The following ACVR2B variants were observed in gnomAD, a reference collection of about 807,000 sequenced individuals.
The protein encoded by ACVR2B is activin receptor type-2B.
ACVR2B carries 18 observed loss-of-function variants against 65.1 expected under a neutral mutation model. The observed-to-expected ratio is 0.28, with a 90% CI of 0.19 to 0.41. The LOEUF (loss-of-function observed/expected upper bound fraction) is 0.41, where lower values mean the gene tolerates loss of function less well. ACVR2B is among the 10% of genes least tolerant of loss of function. The pLI is 1.00. For missense variants in ACVR2B, 482 were observed against 682.7 expected, an observed-to-expected ratio of 0.71 and a Z score of 3.28; for synonymous variants, 298 against 277.7, an observed-to-expected ratio of 1.07 and a Z score of -0.73.
intron 1 of ACVR2B, among the ~76,000 whole-genome samples, chr3:38,461,684 C>G (rs1709649986): frequency 6.6e-6 from 1 of 152,054 alleles, no homozygotes; most frequent in Non-Finnish European, 1.5e-5. Context: ...TCCCCCATAA[C>G]TAATTTTCCC....
intron 1 of ACVR2B, among the ~76,000 whole-genome samples, chr3:38,473,108 A>C (rs1200243971): frequency 6.6e-6 from 1 of 151,890 alleles, no homozygotes; most frequent in African/African-American, 2.4e-5. Flanking sequence ...TGGTTTGGGG[A>C]GCACTGGGTA....
intron 1 of ACVR2B, among the ~76,000 whole-genome samples, chr3:38,457,779 A>G (rs1334678130): frequency 1.3e-5 from 2 of 152,194 alleles, no homozygotes; most frequent in East Asian, 1.9e-4. Context: ...AGGCTGACCC[A>G]AAGAAGTTTC....
At chr3:38,458,500 G>C (rs1323674395) in intron 1 of ACVR2B, among the ~76,000 whole-genome samples, 2 of 152,160 alleles carry the variant, frequency 1.3e-5, no homozygotes, top group Admixed American at 1.3e-4. Context: ...TTCTGCGGGG[G>C]AGGGGTGCTT....
At chr3:38,461,259 C>T (rs1179788497) in intron 1 of ACVR2B, among the ~76,000 whole-genome samples, 2 of 152,142 alleles carry the variant, frequency 1.3e-5, no homozygotes, top group Non-Finnish European at 1.5e-5. Context: ...TGAGTTTTCC[C>T]AGCCTGGGCT....
intron 1 of ACVR2B, among the ~76,000 whole-genome samples, chr3:38,463,183 G>C (rs1400594648): frequency 6.6e-6 from 1 of 152,138 alleles, no homozygotes; most frequent in African/African-American, 2.4e-5. Flanking sequence ...AGGATGTGCT[G>C]GTCTGGGTTT....
rs962892430 is a variant in ACVR2B, at chr3:38,490,654, G to A, written c.*7322G>A. The A allele has an allele frequency of 2.6e-5, 4 of 152,522 alleles. No homozygotes were observed. The highest frequency in any genetic ancestry group is 9.7e-5 in the African/African-American group (4 of 41,400). The allele number at this position is 152,522 out of a possible 1,614,324, so 9.4% of individuals were successfully genotyped here. On this transcript the variant is annotated 3_prime_UTR_variant, in exon 11 of 11. Transcript: ENST00000352511. ...TTTTTCCCAGCCCTAATTTCTGGAT[G>A]CACTTCTGTGATCCAGGTATTTTAA...
rs2059814495 is a variant in ACVR2B at position 38,492,090 on chromosome 3, A to G, written c.*8758A>G. 1 of 152,366 alleles carries G rather than the reference A, an allele frequency of 6.6e-6. No homozygotes were observed. Among genetic ancestry groups the G allele is most frequent in the Non-Finnish European group, 1.5e-5 (1 of 68,042 alleles). The allele number at this position is 152,366 out of a possible 1,614,324, so 9.4% of individuals were successfully genotyped here. A position where few individuals can be genotyped will look rare whatever the true frequency, so the allele number is the denominator to read the frequency against. ...ATGAAAAGAGCTTTCTGCATGTAAC[A>G]CATACGGTTAAAGAACACAGCAAAG... On this transcript the variant is annotated 3_prime_UTR_variant, in exon 11 of 11. Coordinates refer to ENST00000352511, the MANE Select transcript of ACVR2B (RefSeq NM_001106.4).
rs1178854667 is a variant in ACVR2B, at chr3:38,454,353, C to A, written c.31C>A (p.Leu11Ile). MTAPWVALAL[L>I]WGSLCAGSGR... is the part of the protein sequence containing the mutation. ...GGCGCCCTGGGTGGCCCTCGCCCTC[C>A]TCTGGGGATCGCTGTGCGCCGGTAA... Residue 11 changes from leucine (L) to isoleucine (I), a missense_variant, in exon 1 of 11, where the codon CTC (leucine) becomes ATC (isoleucine). Leu to Ile is a conservative substitution (Grantham distance 5, BLOSUM62 2). Around this residue, in one of 5 missense-constraint regions of ACVR2B, gnomAD observed 41 missense variants for 38.2 expected, o/e 1.07. Transcript: ENST00000352511. The A allele has an allele frequency of 2.3e-6, 3 of 1,291,148 alleles. No homozygotes were observed. The highest frequency in any genetic ancestry group is 3.1e-5 in the African/African-American group (2 of 65,042). 80.0% of individuals were successfully genotyped at this position (1,291,148 alleles called of 1,614,324 possible). A position where few individuals can be genotyped will look rare whatever the true frequency, so the allele number is the denominator to read the frequency against.
At chr3:38,479,023 C>G (rs975562450) in intron 5 of ACVR2B, 105 bp from the exon 6 acceptor site, 1 of 1,499,676 alleles carries the variant, frequency 6.7e-7, no homozygotes, top group African/African-American at 1.4e-5. Context: ...GGCTGGGAGG[C>G]TTGAGGGTGG....
rs1223520061 is a variant in ACVR2B, at chr3:38,485,973, CTTTG to C, written c.*2646_*2649del. 3.3e-5 allele frequency: 5 copies of C among 152,624 alleles called. No individual in the cohort carries two copies. In the South Asian group the frequency reaches 8.3e-4, roughly 25 times the overall value. 9.5% of individuals were successfully genotyped at this position (152,624 alleles called of 1,614,324 possible). ...CTACCTGAACACTAAACCCCAGCCT[CTTTG>C]TTTGGTTTTAGTTCCTCTGGGTGGT... On this transcript the variant is annotated 3_prime_UTR_variant, in exon 11 of 11. Coordinates refer to ENST00000352511, the MANE Select transcript of ACVR2B (RefSeq NM_001106.4).
At chr3:38,457,780 A>G (rs1709574634) in intron 1 of ACVR2B, among the ~76,000 whole-genome samples, 1 of 152,202 alleles carries the variant, frequency 6.6e-6, no homozygotes. Flanking sequence ...GGCTGACCCA[A>G]AGAAGTTTCT....
Position 38,481,785 on chromosome 3 carries a change from A to G in ACVR2B, c.1074+320A>G, listed in dbSNP as rs1423512038. On this transcript the variant is annotated intron_variant, in intron 8 of 10. Coordinates refer to ENST00000352511, the MANE Select transcript of ACVR2B (RefSeq NM_001106.4). This position sits in a 1 kb window ranked among gnomAD's most constrained non-coding sequence, Gnocchi z 4.7. ...GACAAAACAAAGAAATGTACTAAGG[A>G]TCCAAACAAAGAACCTGGAAAAAGT... 2.0e-5 allele frequency among the ~76,000 whole-genome samples: 3 copies of G among 152,352 alleles called. No individual in the cohort carries two copies. The highest frequency in any genetic ancestry group is 7.2e-5 in the African/African-American group (3 of 41,584).
At position 38,491,500 on chromosome 3, in the gene ACVR2B, G is replaced by A. The variant is rs1416852701; in HGVS notation, c.*8168G>A. 2 of 152,662 alleles carry A rather than the reference G, an allele frequency of 1.3e-5. No individual in the cohort carries two copies. Among genetic ancestry groups the A allele is most frequent in the East Asian group, 1.9e-4 (1 of 5,202 alleles). 9.5% of individuals were successfully genotyped at this position (152,662 alleles called of 1,614,324 possible). Reference sequence around the variant, plus strand: ...TTAGCCCGAGTGGGGTTTTCTCAGAGCACTGCCACGAGTTAAGTGTGTGTT... The same window carrying A: ...TTAGCCCGAGTGGGGTTTTCTCAGAACACTGCCACGAGTTAAGTGTGTGTT... On this transcript the variant is annotated 3_prime_UTR_variant, in exon 11 of 11. Transcript: ENST00000352511.
chr3:38,468,054 ATT>A (rs1410310880), intron 1 of ACVR2B, among the ~76,000 whole-genome samples: 1 of 151,854 alleles, frequency 6.6e-6, no homozygotes, highest in African/African-American at 2.4e-5. Context: ...AATTTTTTGT[ATT>A]TTTGGAAGAG....
intron 1 of ACVR2B, among the ~76,000 whole-genome samples, chr3:38,457,023 G>C (rs1424276353): frequency 6.6e-6 from 1 of 152,110 alleles, no homozygotes; most frequent in Admixed American, 6.6e-5. Flanking sequence ...TGGCCAACGT[G>C]GTGAAATGCG....
intron 1 of ACVR2B, 183 bp downstream of exon 1, chr3:38,454,557 G>C (rs1051487716): frequency 1.6e-5 from 7 of 440,766 alleles, no homozygotes; most frequent in Non-Finnish European, 2.5e-5. Flanking sequence ...GAACTTGGGG[G>C]CACGATCTTG....
intron 1 of ACVR2B, among the ~76,000 whole-genome samples, chr3:38,470,892 ATAGAGG>A (rs1324815864): frequency 6.6e-6 from 1 of 152,222 alleles, no homozygotes; most frequent in Non-Finnish European, 1.5e-5. Context: ...GATAATCCAA[ATAGAGG>A]TAACGGTAGA....
Position 38,490,972 on chromosome 3 carries a change from C to T in ACVR2B, c.*7640C>T, listed in dbSNP as rs1453458770. 1 of 152,622 alleles carries T rather than the reference C, an allele frequency of 6.6e-6. No homozygotes were observed. Among genetic ancestry groups the T allele is most frequent in the Non-Finnish European group, 1.5e-5 (1 of 68,046 alleles). 9.5% of individuals were successfully genotyped at this position (152,622 alleles called of 1,614,324 possible). A position where few individuals can be genotyped will look rare whatever the true frequency, so the allele number is the denominator to read the frequency against. On this transcript the variant is annotated 3_prime_UTR_variant, in exon 11 of 11. Transcript: ENST00000352511. ...AAAGCGATTTAATTGGCTGGTCTTG[C>T]ACGCAAATTAGTTCCAAAGATAAGC...
rs914186147 is a variant in ACVR2B at position 38,487,661 on chromosome 3, C to T, written c.*4329C>T. The T allele has an allele frequency of 6.6e-6, 1 of 152,086 alleles. No individual in the cohort carries two copies. Among genetic ancestry groups the T allele is most frequent in the Admixed American group, 6.6e-5 (1 of 15,264 alleles). 9.4% of individuals were successfully genotyped at this position (152,086 alleles called of 1,614,324 possible). On this transcript the variant is annotated 3_prime_UTR_variant, in exon 11 of 11. Coordinates refer to ENST00000352511, the MANE Select transcript of ACVR2B (RefSeq NM_001106.4). ...CATTAAAGTGGGAGTATTGGATGGC[C>T]CTCTTGAAACTAGAATTTTGCCTTT...
Sources: allele counts gnomAD v4.1 joint callset (sites outside exome capture counted in the v4.1 genomes callset), GRCh38; gene constraint gnomAD v4.1.1; regional missense constraint gnomAD v4.1.1; non-coding constraint Gnocchi (gnomAD v3.1); transcripts MANE v1.5; gene names NCBI Gene and HGNC (gene_info 2026-07-23, HGNC 2026-07-21).